The following TRPM3 variants were observed in gnomAD, a reference collection of about 807,000 sequenced individuals.
TRPM3 encodes long transient receptor potential channel 3.
Under a neutral mutation model 181.2 loss-of-function variants are expected in TRPM3, and 77 were observed. The ratio of observed to expected loss-of-function variants is 0.42; its 90% confidence interval spans 0.35 to 0.51. TRPM3 has a LOEUF of 0.51. Among genes scored for constraint, TRPM3 ranks in the 20% least tolerant of loss-of-function variants. The pLI, the probability that TRPM3 is intolerant of heterozygous loss-of-function variation, is 0.01. For synonymous variants in TRPM3, 745 were observed against 796.4 expected (o/e 0.94, Z 1.09); for missense variants, 1,759 against 2,196.7 (o/e 0.80, Z 3.98).
chr9:70,657,925 A>G (rs1051887102), intron 9 of TRPM3, among the ~76,000 whole-genome samples: 7 of 152,134 alleles, frequency 4.6e-5, no homozygotes, highest in African/African-American at 1.7e-4. Context: ...CAATTTTGAG[A>G]GAGAAAATAA....
Position 70,529,966 on chromosome 9 carries a change from C to G in TRPM3, c.*5987G>C, listed in dbSNP as rs2040656797. ...TTTGTGTTTTCTGGATCCGGCCCCT[C>G]CATGTGTTTGAATTTGCAGCCTCTC... On this transcript the variant is annotated 3_prime_UTR_variant, in exon 26 of 26. Transcript: ENST00000677713. 6.6e-6 allele frequency: 1 copy of G among 152,200 alleles called. No individual in the cohort carries two copies. Among genetic ancestry groups the G allele is most frequent in the African/African-American group, 2.4e-5 (1 of 41,426 alleles). The allele number at this position is 152,200 out of a possible 1,614,324, so 9.4% of individuals were successfully genotyped here.
At chr9:71,204,686 C>T (rs1395286822) in intron 1 of TRPM3, among the ~76,000 whole-genome samples, 1 of 152,122 alleles carries the variant, frequency 6.6e-6, no homozygotes, top group Non-Finnish European at 1.5e-5. Flanking sequence ...CTAGAAATAC[C>T]ATTTGACCCA....
intron 1 of TRPM3, among the ~76,000 whole-genome samples, chr9:71,111,960 CTAAGA>C (rs78112134): frequency 0.011 from 1,747 of 152,244 alleles, 9 homozygotes; most frequent in Middle Eastern, 0.02. Flanking sequence ...ATCTGATAAG[CTAAGA>C]TTTCTATTTG....
At chr9:71,030,782 A>G (rs2057197754) in intron 1 of TRPM3, among the ~76,000 whole-genome samples, 2 of 152,200 alleles carry the variant, frequency 1.3e-5, no homozygotes, top group Admixed American at 1.3e-4. Flanking sequence ...GATTTAGTCA[A>G]TGATATTTGG....
chr9:70,966,768 A>G (rs2097189674), intron 1 of TRPM3, among the ~76,000 whole-genome samples: 1 of 152,018 alleles, frequency 6.6e-6, no homozygotes, highest in Non-Finnish European at 1.5e-5. Context: ...AAGGATCAGG[A>G]AAAATATCTT....
intron 19 of TRPM3, among the ~76,000 whole-genome samples, chr9:70,608,008 TGAAGG>T (rs1456727864): frequency 2.0e-5 from 3 of 152,240 alleles, no homozygotes; most frequent in Non-Finnish European, 2.9e-5. Flanking sequence ...CTATAACAAA[TGAAGG>T]TGTAACAAGA....
intron 1 of TRPM3, among the ~76,000 whole-genome samples, chr9:70,928,185 G>A (rs2096740523): frequency 6.6e-6 from 1 of 152,144 alleles, no homozygotes; most frequent in Non-Finnish European, 1.5e-5. Context: ...CATTGGGCAG[G>A]ACCTTTAATA....
chr9:71,305,202 G>A (rs942328764), intron 1 of TRPM3, among the ~76,000 whole-genome samples: 18 of 152,174 alleles, frequency 1.2e-4, no homozygotes, highest in African/African-American at 3.9e-4. Flanking sequence ...AAAATGAATG[G>A]ACAGAAATGT....
At chr9:70,741,204 GA>G (rs1215907760) in intron 8 of TRPM3, among the ~76,000 whole-genome samples, 1 of 152,062 alleles carries the variant, frequency 6.6e-6, no homozygotes. Context: ...CAACACATAT[GA>G]AAAAATGCTC....
At chr9:71,212,821 A>C (rs1490513980) in intron 1 of TRPM3, among the ~76,000 whole-genome samples, 2 of 151,750 alleles carry the variant, frequency 1.3e-5, no homozygotes, top group African/African-American at 4.8e-5. Context: ...AGATTTTATA[A>C]TGTGCTAAGA....
chr9:70,857,694 T>C (rs1040679382), intron 3 of TRPM3, among the ~76,000 whole-genome samples: 3 of 152,198 alleles, frequency 2.0e-5, no homozygotes, highest in African/African-American at 7.2e-5. Flanking sequence ...GTTAAATAAC[T>C]GTGACTCTGG....
At position 70,536,587 on chromosome 9, in the gene TRPM3, T is replaced by A. The variant is rs753570659; in HGVS notation, c.4526A>T (p.Glu1509Val). The A allele has an allele frequency of 4.3e-6, 7 of 1,614,086 alleles. No individual in the cohort carries two copies. In the South Asian group the frequency reaches 6.6e-5, roughly 15 times the overall value. Residue 1509 changes from glutamate to valine, a missense_variant, in exon 26 of 26, where the codon GAG (glutamate) becomes GTG (valine). Glu to Val is a moderately radical substitution (Grantham distance 121). Coordinates refer to ENST00000677713, the MANE Select transcript of TRPM3 (RefSeq NM_001366145.2). ...DSEPPMYHTI[E>V]RSKSSRYLAT... ...TAGGTAGCGGCTACTTTTGGAACGC[T>A]CAATGGTGTGGTACATCGGAGGCTC...
At chr9:70,909,269 A>G (rs930012963) in intron 1 of TRPM3, among the ~76,000 whole-genome samples, 2 of 152,228 alleles carry the variant, frequency 1.3e-5, no homozygotes, top group African/African-American at 2.4e-5. Flanking sequence ...AGCTGGTTCT[A>G]TCTAGCTCTT....
rs1193052600 is a variant in TRPM3 at position 70,761,743 on chromosome 9, T to A, written c.1149-19A>T. 1 of 1,601,172 alleles carries A rather than the reference T, an allele frequency of 6.2e-7. No individual in the cohort carries two copies. The highest frequency in any genetic ancestry group is 2.2e-5 in the East Asian group (1 of 44,520). ...TATCAGTCTGCAAGTAAAAACAATGTCAAAAGCAGGTCAACCAACTCCTAT... is the reference window on the plus strand; with the variant it reads ...TATCAGTCTGCAAGTAAAAACAATGACAAAAGCAGGTCAACCAACTCCTAT... On this transcript the variant is annotated intron_variant, in intron 7 of 25. Coordinates refer to ENST00000677713, the MANE Select transcript of TRPM3 (RefSeq NM_001366145.2).
chr9:71,357,070 A>G (rs1260812564), intron 1 of TRPM3, among the ~76,000 whole-genome samples: 7 of 152,188 alleles, frequency 4.6e-5, no homozygotes, highest in Non-Finnish European at 7.4e-5. Flanking sequence ...CAGAGTATGT[A>G]TAAACAGAGA....
intron 1 of TRPM3, among the ~76,000 whole-genome samples, chr9:70,942,480 T>C (rs986834822): frequency 6.6e-6 from 1 of 152,178 alleles, no homozygotes; most frequent in Non-Finnish European, 1.5e-5. Flanking sequence ...CACAAGTTAT[T>C]TACAATTCAA....
chr9:71,174,231 G>T (rs1240622436), intron 1 of TRPM3, among the ~76,000 whole-genome samples: 1 of 152,130 alleles, frequency 6.6e-6, no homozygotes, highest in East Asian at 1.9e-4. Context: ...AAGTTGAAAT[G>T]CCCAGCAGGC....
intron 1 of TRPM3, among the ~76,000 whole-genome samples, chr9:71,154,905 T>C (rs1267129224): frequency 2.0e-5 from 3 of 152,118 alleles, no homozygotes; most frequent in African/African-American, 7.2e-5. Flanking sequence ...CAGAAATACA[T>C]CTGGTATTAC....
intron 1 of TRPM3, among the ~76,000 whole-genome samples, chr9:71,307,713 A>G (rs910174767): frequency 3.3e-5 from 5 of 152,114 alleles, no homozygotes; most frequent in African/African-American, 1.2e-4. Flanking sequence ...CATATGATAT[A>G]CTTTTTCCCA....
Sources: allele counts gnomAD v4.1 joint callset (sites outside exome capture counted in the v4.1 genomes callset), GRCh38; gene constraint gnomAD v4.1.1; transcripts MANE v1.5; gene names NCBI Gene and HGNC (gene_info 2026-07-23, HGNC 2026-07-21).